Variants in CACNA1E observed in about 807,000 individuals in gnomAD.
The protein encoded by CACNA1E is voltage-dependent R-type calcium channel subunit alpha-1E.
CACNA1E carries 40 observed loss-of-function variants against 259.2 expected under a neutral mutation model. That is an observed-to-expected ratio of 0.15 (90% confidence interval 0.12 to 0.20). The LOEUF (loss-of-function observed/expected upper bound fraction) is 0.20. CACNA1E is among the 10% of genes least tolerant of loss of function. The probability of loss-of-function intolerance (pLI) is 1.00; values close to 1 mark genes in which losing one functional copy is unlikely to be tolerated. For synonymous variants in CACNA1E, 1,104 were observed against 1,138.5 expected, an observed-to-expected ratio of 0.97 and a Z score of 0.61; for missense variants, 1,874 against 3,040.1, an observed-to-expected ratio of 0.62 and a Z score of 9.02.
intron 4 of CACNA1E, among the ~76,000 whole-genome samples, chr1:181,578,106 A>G (rs958735162): frequency 6.6e-6 from 1 of 152,170 alleles, no homozygotes; most frequent in Non-Finnish European, 1.5e-5. Context: ...GTAAACAACA[A>G]AAAAGAAAAG....
chr1:181,489,921 C>G (rs1664166731), intron 1 of CACNA1E, among the ~76,000 whole-genome samples: 1 of 152,168 alleles, frequency 6.6e-6, no homozygotes, highest in Non-Finnish European at 1.5e-5. Context: ...GTTACTTTTC[C>G]CAAGCCTTCT....
chr1:181,647,777 T>C (rs146632176), intron 6 of CACNA1E, among the ~76,000 whole-genome samples: 71 of 152,302 alleles, frequency 4.7e-4, no homozygotes, highest in Middle Eastern at 3.4e-3. Flanking sequence ...CTAGCCTGCT[T>C]CCTGCCGAGG....
At chr1:181,534,026 A>G (rs1667970837) in intron 3 of CACNA1E, among the ~76,000 whole-genome samples, 1 of 152,032 alleles carries the variant, frequency 6.6e-6, no homozygotes, top group Non-Finnish European at 1.5e-5. Flanking sequence ...TTTCTTTCTA[A>G]TTCACCTAGT....
chr1:181,641,718 T>TTC (rs1657787953), intron 6 of CACNA1E, among the ~76,000 whole-genome samples: 1 of 139,594 alleles, frequency 7.2e-6, no homozygotes, highest in Non-Finnish European at 1.5e-5. Flanking sequence ...TTTTTTTTTT[T>TTC]TTTTTTTTTT....
intron 1 of CACNA1E, among the ~76,000 whole-genome samples, chr1:181,501,929 G>C (rs1294587563): frequency 6.6e-6 from 1 of 152,204 alleles, no homozygotes; most frequent in Non-Finnish European, 1.5e-5. Flanking sequence ...AAAAGAAAAG[G>C]GGTTTGGTTT....
At chr1:181,346,987 T>C (rs1652642100) in intron 1 of CACNA1E, among the ~76,000 whole-genome samples, 2 of 152,160 alleles carry the variant, frequency 1.3e-5, no homozygotes, top group Non-Finnish European at 1.5e-5. Flanking sequence ...AGGCACCTAG[T>C]AGGTGCTCAG....
chr1:181,731,262 G>T, intron 19 of CACNA1E, 31 bp downstream of exon 19: 1 of 1,564,188 alleles, frequency 6.4e-7, no homozygotes, highest in Non-Finnish European at 8.8e-7. Flanking sequence ...GTGTTTGTGA[G>T]TGGTTACGTG....
chr1:181,721,610 A>C (rs1466838439), intron 15 of CACNA1E, 148 bp from the exon 16 acceptor site: 5 of 521,210 alleles, frequency 9.6e-6, no homozygotes, highest in African/African-American at 2.0e-5. Context: ...ATTTATGGAA[A>C]TGACTTTTTT....
intron 1 of CACNA1E, among the ~76,000 whole-genome samples, chr1:181,502,145 A>G (rs1665304513): frequency 6.6e-6 from 1 of 152,020 alleles, no homozygotes; most frequent in Non-Finnish European, 1.5e-5. Context: ...CCAGAGTTGT[A>G]CACTGCTAAC....
At chr1:181,522,002 G>T (rs1667027631) in intron 3 of CACNA1E, among the ~76,000 whole-genome samples, 1 of 152,190 alleles carries the variant, frequency 6.6e-6, no homozygotes, top group Non-Finnish European at 1.5e-5. Flanking sequence ...GCATGTCCAG[G>T]CATGTTCAGT....
chr1:181,336,970 A>C lies in CACNA1E; in HGVS notation c.-15+18847A>C, dbSNP rs1037204777. The stretch of plus-strand genomic sequence containing the variant: ...GATATAATGCAAAGAAAATTAAAAT[A>C]TATAATATAGATATTTATATATCTA... On this transcript the variant is annotated intron_variant, in intron 1 of 11. Transcript: ENST00000524607. Among the ~76,000 whole-genome samples, 8 of 149,280 alleles carry C rather than the reference A, an allele frequency of 5.4e-5. No individual in the cohort carries two copies. The South Asian group carries it at 1.5e-3, about 27-fold the overall frequency.
At chr1:181,427,998 A>C (rs601354) in intron 2 of CACNA1E, among the ~76,000 whole-genome samples, 2 of 151,736 alleles carry the variant, frequency 1.3e-5, no homozygotes, top group African/African-American at 4.8e-5. Context: ...TATTCCAGCA[A>C]CCCTATCAAT....
At chr1:181,327,017 C>T (rs1379436604) in intron 1 of CACNA1E, among the ~76,000 whole-genome samples, 1 of 152,172 alleles carries the variant, frequency 6.6e-6, no homozygotes, top group Admixed American at 6.5e-5. Context: ...TTTGCACTCC[C>T]TTGGCATCCC....
chr1:181,425,045 G>A (rs1484094457), intron 2 of CACNA1E, among the ~76,000 whole-genome samples: 1 of 152,172 alleles, frequency 6.6e-6, no homozygotes, highest in Non-Finnish European at 1.5e-5. Context: ...GAAAAGCGGC[G>A]CCCTCTAGCG....
chr1:181,436,104 G>T (rs1434447026), intron 2 of CACNA1E, among the ~76,000 whole-genome samples: 1 of 152,236 alleles, frequency 6.6e-6, no homozygotes, highest in Admixed American at 6.5e-5. Flanking sequence ...ATGGCCAGCA[G>T]ATCCATGAAA....
intron 2 of CACNA1E, among the ~76,000 whole-genome samples, chr1:181,475,286 C>T (rs1286848407): frequency 6.6e-6 from 1 of 152,112 alleles, no homozygotes; most frequent in Non-Finnish European, 1.5e-5. Flanking sequence ...GTTGAGGAGA[C>T]AAGGCATACA....
intron 7 of CACNA1E, among the ~76,000 whole-genome samples, chr1:181,680,046 A>G (rs1341319418): frequency 6.9e-6 from 1 of 144,966 alleles, no homozygotes; most frequent in Non-Finnish European, 1.5e-5. Flanking sequence ...CCAGGAGTTC[A>G]AGGCTGCAGT....
At chr1:181,416,465 G>T (rs1197621014) in intron 2 of CACNA1E, among the ~76,000 whole-genome samples, 2 of 152,158 alleles carry the variant, frequency 1.3e-5, no homozygotes, top group African/African-American at 4.8e-5. Context: ...GTAAGCCAAA[G>T]AATGTAGTCA....
At chr1:181,558,685 C>T (rs1355543759) in intron 3 of CACNA1E, among the ~76,000 whole-genome samples, 1 of 152,138 alleles carries the variant, frequency 6.6e-6, no homozygotes, top group Non-Finnish European at 1.5e-5. Flanking sequence ...GAAGACAGAT[C>T]ATGACATTAT....
Sources: gnomAD v4.1 joint callset for allele counts (sites outside exome capture counted in the v4.1 genomes callset) on GRCh38, gnomAD v4.1.1 for gene constraint, MANE v1.5 for transcripts, NCBI Gene and HGNC (gene_info 2026-07-23, HGNC 2026-07-21) for gene names.